The following SAMD5 variants were observed in gnomAD, a reference collection of about 807,000 sequenced individuals.
SAMD5 encodes the protein sterile alpha motif domain-containing protein 5.
A neutral mutation model predicts 11.3 loss-of-function variants in SAMD5; 13 were observed. The observed-to-expected ratio is 1.15, with a 90% CI of 0.75 to 1.83. SAMD5 has a LOEUF of 1.83. Among genes scored for constraint, SAMD5 ranks in the 40% most tolerant of loss-of-function variants. The pLI is 0.00. For missense variants in SAMD5, 255 were observed against 239.1 expected (o/e 1.07, Z -0.44); for synonymous variants, 129 against 111.3 (o/e 1.16, Z -1.00).
chr6:147,662,857 G>C (rs1309860017), intron 1 of SAMD5, among the ~76,000 whole-genome samples: 1 of 152,166 alleles, frequency 6.6e-6, no homozygotes, highest in Non-Finnish European at 1.5e-5. Flanking sequence ...GATCCACTTT[G>C]ACACCTGCCA....
chr6:147,509,231 C>G lies in SAMD5; in HGVS notation c.303C>G (p.Gly101=), dbSNP rs1422192815. 7.0e-7 allele frequency: 1 copy of G among 1,430,268 alleles called. No individual in the cohort carries two copies. The allele number at this position is 1,430,268 out of a possible 1,614,324, so 88.6% of individuals were successfully genotyped here. The change falls in exon 1 of 2, where the codon GGC becomes GGG. Residue 101 remains glycine (G), a synonymous_variant. Coordinates refer to ENST00000367474, the MANE Select transcript of SAMD5 (RefSeq NM_001030060.3). ...GCCGCCGGGGGGAGCCGTGCGGCGGCCCGGCCCAGGGCACCCGCGGGGACT... is the reference window on the plus strand; with the variant it reads ...GCCGCCGGGGGGAGCCGTGCGGCGGGCCGGCCCAGGGCACCCGCGGGGACT... ...PTGRRGEPCG[G]PAQGTRGDSR...
At chr6:147,550,070 C>A (rs576361085) in intron 1 of SAMD5, among the ~76,000 whole-genome samples, 2 of 151,600 alleles carry the variant, frequency 1.3e-5, no homozygotes, top group South Asian at 2.1e-4. Flanking sequence ...CATAGCAAGA[C>A]CTTTGTCTCT....
At chr6:147,879,651 G>A in the SAMD5 span, among the ~76,000 whole-genome samples, 9 of 152,136 alleles carry the variant, frequency 5.9e-5, no homozygotes, top group Non-Finnish European at 1.3e-4. Flanking sequence ...ATTAATGGAG[G>A]CTTTTGAAAA....
At chr6:147,698,099 C>A (rs776629957) in intron 1 of SAMD5, among the ~76,000 whole-genome samples, 1 of 152,148 alleles carries the variant, frequency 6.6e-6, no homozygotes, top group South Asian at 2.1e-4. Flanking sequence ...CATATGAGAA[C>A]CTTATGCTGC....
At chr6:147,826,362 G>T in the SAMD5 span, among the ~76,000 whole-genome samples, 1 of 152,142 alleles carries the variant, frequency 6.6e-6, no homozygotes, top group Admixed American at 6.5e-5. Context: ...TCAATGGCTA[G>T]CATTTCCAGA....
the SAMD5 span, among the ~76,000 whole-genome samples, chr6:147,946,907 C>T: frequency 4.6e-5 from 7 of 152,160 alleles, no homozygotes; most frequent in African/African-American, 1.7e-4. Context: ...ATCATAAATA[C>T]CTAATTTCAT....
chr6:147,909,614 T>TTCTCTCTCTCTCTC, the SAMD5 span, among the ~76,000 whole-genome samples: 5,782 of 77,272 alleles, frequency 0.075, 411 homozygotes, highest in South Asian at 0.089. Flanking sequence ...CTTTCTTTCT[T>TTCTCTCTCTCTCTC]TCTTTCTTTC....
the SAMD5 span, among the ~76,000 whole-genome samples, chr6:147,855,749 TCTCACA>T: frequency 3.3e-5 from 5 of 152,140 alleles, no homozygotes; most frequent in African/African-American, 1.2e-4. Flanking sequence ...AGGCAGAGTT[TCTCACA>T]TTGGAATAAA....
At chr6:147,620,850 CTG>C (rs1414490099) in intron 1 of SAMD5, among the ~76,000 whole-genome samples, 18 of 151,886 alleles carry the variant, frequency 1.2e-4, no homozygotes, top group Admixed American at 9.8e-4. Flanking sequence ...GATGTTGGGA[CTG>C]TGTTTGAGGA....
chr6:147,769,687 T>C, the SAMD5 span, among the ~76,000 whole-genome samples: 110 of 152,360 alleles, frequency 7.2e-4, 1 homozygote, highest in Admixed American at 5.5e-3. Context: ...GGTATATTAA[T>C]AGGCTTTCAC....
intron 1 of SAMD5, among the ~76,000 whole-genome samples, chr6:147,725,387 C>CTTT (rs10711772): frequency 1.7e-5 from 2 of 119,220 alleles, no homozygotes; most frequent in African/African-American, 3.2e-5. Context: ...ACTGACCTGG[C>CTTT]TTTTTTTTTT....
In SAMD5 at chr6:147,565,337, G is replaced by A. The variant is rs1290793073; in HGVS notation, c.*881G>A. 12 of 985,858 alleles carry A rather than the reference G, an allele frequency of 1.2e-5. No homozygotes were observed. The highest frequency in any genetic ancestry group is 1.4e-5 in the Non-Finnish European group (12 of 830,014). 61.1% of individuals were successfully genotyped at this position (985,858 alleles called of 1,614,324 possible). On this transcript the variant is annotated 3_prime_UTR_variant, in exon 2 of 2. Coordinates refer to ENST00000367474, the MANE Select transcript of SAMD5 (RefSeq NM_001030060.3). Reference sequence around the variant, plus strand: ...GGCCGGGAGGTGGGCAGCGGCAGTGGCCTGAGGAGCCCTGTAGAACTACGG... The same window carrying A: ...GGCCGGGAGGTGGGCAGCGGCAGTGACCTGAGGAGCCCTGTAGAACTACGG...
the SAMD5 span, among the ~76,000 whole-genome samples, chr6:147,852,863 A>C: frequency 6.6e-6 from 1 of 152,162 alleles, no homozygotes; most frequent in Admixed American, 6.5e-5. Context: ...CATTTGACTT[A>C]AATTACAGCC....
At position 147,537,103 on chromosome 6, in the gene SAMD5, A is replaced by T. The variant is rs566922575; in HGVS notation, c.460-27291A>T. On this transcript the variant is annotated intron_variant, in intron 1 of 1. Transcript: ENST00000367474. ...GTCATTTAACATAATAATTGTAATTATTACTGATAACATATAGTAAGTCAT... is the reference window on the plus strand; with the variant it reads ...GTCATTTAACATAATAATTGTAATTTTTACTGATAACATATAGTAAGTCAT... Among the ~76,000 whole-genome samples the T allele has an allele frequency of 9.9e-5, 15 of 152,268 alleles. No individual in the cohort carries two copies. The South Asian group carries it at 3.1e-3, about 32-fold the overall frequency.
intron 1 of SAMD5, among the ~76,000 whole-genome samples, chr6:147,649,512 C>T (rs1790452275): frequency 6.6e-6 from 1 of 152,188 alleles, no homozygotes; most frequent in African/African-American, 2.4e-5. Flanking sequence ...TATAAACAAG[C>T]TGGGCATAGT....
chr6:147,716,378 A>C (rs933472567), intron 1 of SAMD5, among the ~76,000 whole-genome samples: 1 of 152,220 alleles, frequency 6.6e-6, no homozygotes, highest in African/African-American at 2.4e-5. Context: ...GGGAGCAGAC[A>C]CTTCTGAGCC....
intron 1 of SAMD5, among the ~76,000 whole-genome samples, chr6:147,721,357 C>G (rs6912055): frequency 0.72 from 107,165 of 149,838 alleles, 39,347 homozygotes; most frequent in African/African-American, 0.88. Flanking sequence ...CTCTCCAGCA[C>G]CTGTTGTTTC....
chr6:147,586,623 C>T (rs1183600332), intron 1 of SAMD5, among the ~76,000 whole-genome samples: 2 of 151,522 alleles, frequency 1.3e-5, no homozygotes, highest in African/African-American at 2.4e-5. Context: ...ACTATTTCTT[C>T]AATACTCTGT....
At chr6:147,921,186 C>T in the SAMD5 span, among the ~76,000 whole-genome samples, 3 of 151,640 alleles carry the variant, frequency 2.0e-5, no homozygotes, top group Non-Finnish European at 2.9e-5. Flanking sequence ...TACAGTCAAA[C>T]GGGAAAACCA....
Sources: allele counts gnomAD v4.1 joint callset (sites outside exome capture counted in the v4.1 genomes callset), GRCh38; gene constraint gnomAD v4.1.1; transcripts MANE v1.5; gene names NCBI Gene and HGNC (gene_info 2026-07-23, HGNC 2026-07-21).